Variants in BAZ1A observed in about 807,000 individuals in gnomAD.
The protein encoded by BAZ1A is bromodomain adjacent to zinc finger domain protein 1A.
In BAZ1A, 50 loss-of-function variants were observed where a neutral mutation model predicts 185.2. The observed-to-expected ratio is 0.27, with a 90% CI of 0.22 to 0.34. The LOEUF is 0.34. Ranked by LOEUF, BAZ1A falls within the 10% of genes least tolerant of loss-of-function variation. The pLI is 1.00. For missense variants in BAZ1A, 1,356 were observed against 1,839.9 expected, an observed-to-expected ratio of 0.74 and a Z score of 4.81; for synonymous variants, 571 against 615.6, an observed-to-expected ratio of 0.93 and a Z score of 1.07.
intron 4 of BAZ1A, 45 bp from the exon 5 acceptor site, chr14:34,811,081 A>AAATTTTT (rs1361252386): frequency 3.8e-6 from 5 of 1,328,782 alleles, no homozygotes; most frequent in Non-Finnish European, 4.2e-6. Flanking sequence ...ATAATTTGGA[A>AAATTTTT]AATGAAATTT....
Position 34,776,317 on chromosome 14 carries a change from C to T in BAZ1A, c.2435G>A (p.Arg812Lys), listed in dbSNP as rs1566554846. 2 of 1,614,072 alleles carry T rather than the reference C, an allele frequency of 1.2e-6. No individual in the cohort carries two copies. The highest frequency in any genetic ancestry group is 2.7e-5 in the African/African-American group (2 of 75,018). ...IFPLGRDRMY[R>K]RYWIFPSIPG... is the part of the protein sequence containing the mutation. The stretch of plus-strand genomic sequence containing the variant: ...AATAGAAGGGAAAATCCAGTATCGT[C>T]TATACATGCGGTCGCGACCCAAGGG... The change falls in exon 18 of 27, where the codon AGA (arginine) becomes AAA (lysine). Residue 812 changes from arginine (R) to lysine (K), a missense_variant. This residue lies in a region of BAZ1A where 434 missense variants were observed against 561.7 expected (regional missense o/e 0.77). Coordinates refer to ENST00000360310, the MANE Select transcript of BAZ1A (RefSeq NM_013448.3).
At chr14:34,828,668 CTCT>C (rs1201526193) in intron 3 of BAZ1A, 3 of 152,180 alleles carry the variant, frequency 2.0e-5, no homozygotes, top group Admixed American at 1.3e-4. Flanking sequence ...AGCCTGTAAC[CTCT>C]TCTTTTATCC....
intron 6 of BAZ1A, among the ~76,000 whole-genome samples, chr14:34,803,736 T>G (rs1018329358): frequency 1.3e-5 from 2 of 152,226 alleles, no homozygotes; most frequent in Admixed American, 1.3e-4. Flanking sequence ...ATTTGCCAAC[T>G]GCTGAACATT....
intron 3 of BAZ1A, among the ~76,000 whole-genome samples, chr14:34,849,680 T>A (rs1275397419): frequency 6.6e-6 from 1 of 152,178 alleles, no homozygotes; most frequent in Non-Finnish European, 1.5e-5. Flanking sequence ...AAAAGCTCAA[T>A]AAATGTTAGT....
intron 4 of BAZ1A, among the ~76,000 whole-genome samples, chr14:34,818,017 C>G (rs1013613656): frequency 2.0e-5 from 3 of 152,102 alleles, no homozygotes; most frequent in African/African-American, 7.2e-5. Flanking sequence ...CTAACAGGGA[C>G]TCAAGCAGAT....
At position 34,831,875 on chromosome 14, in the gene BAZ1A, G is replaced by A. The variant is rs113730565; in HGVS notation, c.393-5719C>T. Among the ~76,000 whole-genome samples the A allele has an allele frequency of 3.0e-3, 462 of 152,094 alleles. 3 individuals carry two copies. The highest frequency in any genetic ancestry group is 0.011 in the African/African-American group (438 of 41,502). On this transcript the variant is annotated intron_variant, in intron 3 of 26. Coordinates refer to ENST00000360310, the MANE Select transcript of BAZ1A (RefSeq NM_013448.3). ...CAGAAGTGAAAGTGAGAATATTATC[G>A]CTGATTTTACAAAAATAAAAAAGGT... is the stretch of plus-strand genomic sequence containing the variant.
intron 5 of BAZ1A, among the ~76,000 whole-genome samples, chr14:34,809,927 A>G (rs2138674832): frequency 6.6e-6 from 1 of 152,294 alleles, no homozygotes; most frequent in African/African-American, 2.4e-5. Flanking sequence ...TGAATAATCA[A>G]ACATTAGTTT....
intron 12 of BAZ1A, among the ~76,000 whole-genome samples, chr14:34,788,093 ACTGCAACCTCCGC>A (rs1304238682): frequency 2.0e-5 from 3 of 151,296 alleles, no homozygotes; most frequent in Non-Finnish European, 4.4e-5. Flanking sequence ...GTCTTGGCTC[ACTGCAACCTCCGC>A]CTCCCAGGTT....
At chr14:34,871,052 T>C (rs1030625644) in intron 2 of BAZ1A, among the ~76,000 whole-genome samples, 7 of 152,192 alleles carry the variant, frequency 4.6e-5, no homozygotes, top group Non-Finnish European at 7.3e-5. Flanking sequence ...ATTCCAAGTG[T>C]CTACATGGCT....
intron 4 of BAZ1A, among the ~76,000 whole-genome samples, chr14:34,814,213 T>G (rs2041972590): frequency 6.6e-6 from 1 of 151,178 alleles, no homozygotes; most frequent in Admixed American, 6.6e-5. Flanking sequence ...TCAAGTATAT[T>G]AAGTTGTACT....
At chr14:34,855,459 G>T (rs1216332334) in intron 3 of BAZ1A, among the ~76,000 whole-genome samples, 1 of 152,160 alleles carries the variant, frequency 6.6e-6, no homozygotes, top group Non-Finnish European at 1.5e-5. Flanking sequence ...GGTTCAGGGG[G>T]CTGCCTGATT....
chr14:34,782,999 T>A (rs1880146552), intron 16 of BAZ1A, 120 bp downstream of exon 16: 1 of 756,878 alleles, frequency 1.3e-6, no homozygotes, highest in South Asian at 1.6e-5. Context: ...GAAATTATCA[T>A]GTACCTATAA....
chr14:34,834,876 C>T (rs2138739428), intron 3 of BAZ1A, among the ~76,000 whole-genome samples: 2 of 152,268 alleles, frequency 1.3e-5, no homozygotes, highest in South Asian at 4.1e-4. Context: ...AGCATAGAAA[C>T]TATTTGAATT....
chr14:34,796,383 CTATCAA>C (rs1279463895), intron 9 of BAZ1A, among the ~76,000 whole-genome samples: 6 of 152,090 alleles, frequency 3.9e-5, no homozygotes, highest in Admixed American at 2.6e-4. Context: ...CCTCTACTTC[CTATCAA>C]TAAGATCCTA....
chr14:34,756,117 T>TTC (rs1284718821), intron 25 of BAZ1A, among the ~76,000 whole-genome samples: 1 of 117,172 alleles, frequency 8.5e-6, no homozygotes, highest in African/African-American at 2.9e-5. Context: ...GTTTTTTTCT[T>TTC]TTTTTTTTTT....
In BAZ1A at chr14:34,862,049, A is replaced by G. The variant is rs781587733; in HGVS notation, c.387T>C (p.Gly129=). 3 of 1,613,566 alleles carry G rather than the reference A, an allele frequency of 1.9e-6. No homozygotes were observed. Among genetic ancestry groups the G allele is most frequent in the Admixed American group, 3.3e-5 (2 of 59,948 alleles). Residue 129 remains glycine (G), a synonymous_variant, in exon 3 of 27, where the codon GGT becomes GGC. Transcript: ENST00000360310. ...AAAAATTAAAAGTACTTTACCTTGCACCATTGTTCCTAATGACTTCCACAG... is the reference window on the plus strand; with the variant it reads ...AAAAATTAAAAGTACTTTACCTTGCGCCATTGTTCCTAATGACTTCCACAG... ...EETVEVIRNN[G]ARLQCRILEV... is the part of the protein sequence containing the mutation.
intron 2 of BAZ1A, among the ~76,000 whole-genome samples, chr14:34,872,941 A>AAAAAAAACAAC (rs1555346584): frequency 1.6e-5 from 2 of 122,620 alleles, no homozygotes; most frequent in Non-Finnish European, 1.7e-5. Context: ...AAAAAAAAAA[A>AAAAAAAACAAC]CTTGTCCAAT....
At chr14:34,801,698 C>CGGGCGTTTGG (rs1053855040) in intron 7 of BAZ1A, among the ~76,000 whole-genome samples, 2 of 151,970 alleles carry the variant, frequency 1.3e-5, no homozygotes, top group African/African-American at 4.8e-5. Flanking sequence ...TACTTGAGGT[C>CGGGCGTTTGG]GGGCGTTTGA....
chr14:34,754,900 A>G lies in BAZ1A; in HGVS notation c.4401T>C (p.Tyr1467=). 1.2e-6 allele frequency: 2 copies of G among 1,602,554 alleles called. No homozygotes were observed. Among genetic ancestry groups the G allele is most frequent in the Non-Finnish European group, 1.7e-6 (2 of 1,174,748 alleles). Residue 1467 remains tyrosine, a synonymous_variant, in exon 26 of 27, where the codon TAT becomes TAC. Coordinates refer to ENST00000360310, the MANE Select transcript of BAZ1A (RefSeq NM_013448.3). ...LVSKIQVPDY[Y]DIIKKPIALN... ...AGGCAATGGGCTTTTTGATGATGTC[A>G]TAGTAGTCTGGGACCTGTAAAATAA...
Sources: gnomAD v4.1 joint callset for allele counts (sites outside exome capture counted in the v4.1 genomes callset) on GRCh38, gnomAD v4.1.1 for gene constraint, gnomAD v4.1.1 regional missense constraint, MANE v1.5 for transcripts, NCBI Gene and HGNC (gene_info 2026-07-23, HGNC 2026-07-21) for gene names.